ME1: variants seen among roughly 807,000 people sequenced by gnomAD.
ME1 encodes NADP-dependent malic enzyme.
A neutral mutation model predicts 66.4 loss-of-function variants in ME1; 74 were observed. The observed-to-expected ratio is 1.11, with a 90% CI of 0.92 to 1.35. The LOEUF is 1.35. ME1 is among the 40% of genes most tolerant of loss of function. The pLI is 0.00. For synonymous variants in ME1, 251 were observed against 235.6 expected (o/e 1.07, Z -0.60); for missense variants, 750 against 694.1 (o/e 1.08, Z -0.90).
At chr6:83,221,793 A>C (rs909462715) in intron 12 of ME1, among the ~76,000 whole-genome samples, 1 of 152,176 alleles carries the variant, frequency 6.6e-6, no homozygotes, top group African/African-American at 2.4e-5. Flanking sequence ...GAATGCTAGA[A>C]AAAAAACTCT....
chr6:83,333,898 G>T (rs182742378), intron 5 of ME1, among the ~76,000 whole-genome samples: 69 of 152,264 alleles, frequency 4.5e-4, no homozygotes, highest in African/African-American at 1.5e-3. Context: ...CAAATAATAT[G>T]TAACTATTTC....
Position 83,233,005 on chromosome 6 carries a change from G to C in ME1, c.1027-4074C>G, listed in dbSNP as rs937497686. Among the ~76,000 whole-genome samples the C allele has an allele frequency of 3.8e-4, 58 of 152,140 alleles. 1 individual carries two copies. Among genetic ancestry groups the C allele is most frequent in the South Asian group, 1.7e-3 (8 of 4,828 alleles). ...GTTAGATGAAATCGATCCTTCGTAAGGTCTGTTAATATCCTACTTTTTATT... is the reference window on the plus strand; with the variant it reads ...GTTAGATGAAATCGATCCTTCGTAACGTCTGTTAATATCCTACTTTTTATT... On this transcript the variant is annotated intron_variant, in intron 9 of 13. Transcript: ENST00000369705.
chr6:83,326,882 T>G (rs906612191), intron 5 of ME1, among the ~76,000 whole-genome samples: 4 of 152,180 alleles, frequency 2.6e-5, no homozygotes, highest in Non-Finnish European at 5.9e-5. Context: ...ATCCCATTAC[T>G]GGGTATATAC....
chr6:83,272,567 C>T (rs79742635), intron 6 of ME1, among the ~76,000 whole-genome samples: 2,053 of 152,146 alleles, frequency 0.013, 43 homozygotes, highest in African/African-American at 0.046. Context: ...TGCAAATATT[C>T]CCACGGTTCT....
intron 4 of ME1, among the ~76,000 whole-genome samples, chr6:83,351,301 G>C (rs12527109): frequency 0.025 from 3,763 of 152,192 alleles, 157 homozygotes; most frequent in East Asian, 0.16. Context: ...AAGTGCCTTT[G>C]TACCACCAAA....
At chr6:83,393,393 T>C in intron 3 of ME1, 5 of 734,110 alleles carry the variant, frequency 6.8e-6, no homozygotes, top group Middle Eastern at 4.1e-4. Context: ...GCCCACAGTG[T>C]GGCTTCCAAG....
At chr6:83,235,492 A>C (rs1790382419) in intron 9 of ME1, among the ~76,000 whole-genome samples, 1 of 96,328 alleles carries the variant, frequency 1.0e-5, no homozygotes, top group Non-Finnish European at 2.2e-5. Flanking sequence ...TTTTTTTGAG[A>C]TGGAGTCTCG....
intron 3 of ME1, among the ~76,000 whole-genome samples, chr6:83,367,354 G>A (rs1333266363): frequency 6.6e-6 from 1 of 152,132 alleles, no homozygotes; most frequent in Non-Finnish European, 1.5e-5. Flanking sequence ...GTCACCAGCT[G>A]CATTTGGCCT....
intron 6 of ME1, among the ~76,000 whole-genome samples, chr6:83,255,922 T>C (rs1347842756): frequency 6.6e-6 from 1 of 152,188 alleles, no homozygotes; most frequent in Non-Finnish European, 1.5e-5. Flanking sequence ...AATGATAGTC[T>C]AACAGTAATG....
At chr6:83,280,923 A>G (rs1471277168) in intron 6 of ME1, among the ~76,000 whole-genome samples, 1 of 152,236 alleles carries the variant, frequency 6.6e-6, no homozygotes, top group African/African-American at 2.4e-5. Context: ...ATTAAAAGGG[A>G]GAATATTTAA....
chr6:83,362,810 T>C (rs1455567520), intron 3 of ME1, among the ~76,000 whole-genome samples: 2 of 152,222 alleles, frequency 1.3e-5, no homozygotes, highest in African/African-American at 4.8e-5. Context: ...GAATGCCTTA[T>C]GCATCATCAT....
In ME1 at chr6:83,223,812, A is replaced by C; in HGVS notation, c.1397T>G (p.Val466Gly). ...TGTGATCTGCCTCAATCCACACGCC[A>C]CAACACCAAGAGCAACTCCAGGGAA... is the stretch of plus-strand genomic sequence containing the variant. ...YVFPGVALGV[V>G]ACGLRQITDN... The change falls in exon 12 of 14, where the codon GTG (valine) becomes GGG (glycine). Residue 466 changes from valine to glycine, a missense_variant. Physicochemically the swap from Val to Gly is moderately radical, Grantham distance 109. Transcript: ENST00000369705. 6.2e-7 allele frequency: 1 copy of C among 1,613,970 alleles called. No homozygotes were observed. The highest frequency in any genetic ancestry group is 8.5e-7 in the Non-Finnish European group (1 of 1,179,866).
At chr6:83,369,679 G>GGAAA (rs1373771199) in intron 3 of ME1, among the ~76,000 whole-genome samples, 1 of 96,018 alleles carries the variant, frequency 1.0e-5, no homozygotes, top group African/African-American at 3.1e-5. Flanking sequence ...AACGAAGGAA[G>GGAAA]GAAGGAAGGA....
At chr6:83,262,013 C>CAAAAAAAAAAAAAAAAA (rs374491049) in intron 6 of ME1, among the ~76,000 whole-genome samples, 1 of 77,236 alleles carries the variant, frequency 1.3e-5, no homozygotes, top group East Asian at 4.1e-4. Flanking sequence ...GAATCCATCT[C>CAAAAAAAAAAAAAAAAA]AAAAAAAAAA....
chr6:83,298,183 T>C (rs1488310126), intron 6 of ME1, among the ~76,000 whole-genome samples: 1 of 152,240 alleles, frequency 6.6e-6, no homozygotes, highest in Non-Finnish European at 1.5e-5. Flanking sequence ...CCACCAATAG[T>C]GTAAAAGAGT....
chr6:83,247,987 TGCTTGGGGG>T (rs1790655414), intron 7 of ME1, among the ~76,000 whole-genome samples: 1 of 152,174 alleles, frequency 6.6e-6, no homozygotes, highest in African/African-American at 2.4e-5. Flanking sequence ...TGTGGTGACC[TGCTTGGGGG>T]GCATATTATG....
At chr6:83,281,525 G>A (rs1400058188) in intron 6 of ME1, among the ~76,000 whole-genome samples, 2 of 151,952 alleles carry the variant, frequency 1.3e-5, no homozygotes, top group East Asian at 3.9e-4. Context: ...CAAACTTCCG[G>A]CCAGGCACAG....
chr6:83,311,109 C>T (rs1222856297), intron 6 of ME1, among the ~76,000 whole-genome samples: 1 of 152,060 alleles, frequency 6.6e-6, no homozygotes, highest in South Asian at 2.1e-4. Context: ...TTAACATGTG[C>T]CCCTTAACTA....
intron 3 of ME1, among the ~76,000 whole-genome samples, chr6:83,393,838 A>G (rs760742051): frequency 1.1e-4 from 17 of 152,254 alleles, no homozygotes; most frequent in Admixed American, 5.9e-4. Context: ...TACATTACCC[A>G]GAGAAGACAG....
Sources: allele counts gnomAD v4.1 joint callset (sites outside exome capture counted in the v4.1 genomes callset), GRCh38; gene constraint gnomAD v4.1.1; transcripts MANE v1.5; gene names NCBI Gene and HGNC (gene_info 2026-07-23, HGNC 2026-07-21).